ST7L: variants seen among roughly 807,000 people sequenced by gnomAD.
The protein encoded by ST7L is suppressor of tumorigenicity 7 protein-like.
Under a neutral mutation model 72.5 loss-of-function variants are expected in ST7L, and 57 were observed. The ratio of observed to expected loss-of-function variants is 0.79; its 90% CI spans 0.64 to 0.98. ST7L has a LOEUF of 0.98. Among genes scored for constraint, ST7L ranks in the 50% least tolerant of loss-of-function variants. ST7L has a pLI of 0.00. For synonymous variants in ST7L, 221 were observed against 240.9 expected, an observed-to-expected ratio of 0.92 and a Z score of 0.77; for missense variants, 576 against 672.2, an observed-to-expected ratio of 0.86 and a Z score of 1.58.
chr1:112,557,475 T>C (rs1001485024), intron 11 of ST7L, among the ~76,000 whole-genome samples: 3 of 152,254 alleles, frequency 2.0e-5, no homozygotes, highest in Non-Finnish European at 4.4e-5. Context: ...ATATATGTTC[T>C]GTTTATCCAT....
intron 11 of ST7L, among the ~76,000 whole-genome samples, chr1:112,566,652 T>C (rs11102497): frequency 0.5 from 75,688 of 151,902 alleles, 19,236 homozygotes; most frequent in East Asian, 0.64. Flanking sequence ...TAATGAATGT[T>C]TCACCTGACC....
chr1:112,607,267 T>TA (rs1668387427), intron 3 of ST7L: 1 of 152,080 alleles, frequency 6.6e-6, no homozygotes, highest in Non-Finnish European at 1.5e-5. Context: ...AAGAGATGTT[T>TA]AAGGGCCTAG....
downstream of ST7L, chr1:112,520,789 G>A (rs962395983): frequency 4.1e-6 from 2 of 482,610 alleles, no homozygotes; most frequent in Non-Finnish European, 7.4e-6. Flanking sequence ...AGTGAAATGA[G>A]TTGCACTAAA....
chr1:112,519,866 A>ATGC (rs1212154603), downstream of ST7L, among the ~76,000 whole-genome samples: 9 of 125,400 alleles, frequency 7.2e-5, no homozygotes, highest in Non-Finnish European at 1.4e-4. Flanking sequence ...GTCAGAGCCC[A>ATGC]TGCTTCTTTT....
intron 3 of ST7L, among the ~76,000 whole-genome samples, chr1:112,602,565 A>T (rs1177848012): frequency 6.6e-6 from 1 of 152,178 alleles, no homozygotes; most frequent in Admixed American, 6.6e-5. Context: ...ATTTCTTTTA[A>T]ACATTATAGC....
intron 1 of ST7L, among the ~76,000 whole-genome samples, chr1:112,617,607 G>C (rs1371087287): frequency 6.6e-6 from 1 of 151,982 alleles, no homozygotes; most frequent in African/African-American, 2.4e-5. Context: ...AGCTACTTGG[G>C]AGGCTGAGGC....
At chr1:112,594,543 CA>C (rs767202773) in intron 5 of ST7L, among the ~76,000 whole-genome samples, 7 of 152,194 alleles carry the variant, frequency 4.6e-5, no homozygotes, top group Non-Finnish European at 2.9e-5. Flanking sequence ...CCCCTCACAT[CA>C]AGGCAAAGCA....
In ST7L at chr1:112,560,307, T is replaced by C. The variant is rs569018653; in HGVS notation, c.1246-4289A>G. Among the ~76,000 whole-genome samples the C allele has an allele frequency of 3.3e-5, 5 of 151,444 alleles. No homozygotes were observed. In the South Asian group the frequency reaches 1.0e-3, roughly 32 times the overall value. Reference sequence around the variant, plus strand: ...TATTCGGGAGGCTGAGACAGGAGAATGGCGTGAGCCCGGGAGGCGGAGTTT... The same window carrying C: ...TATTCGGGAGGCTGAGACAGGAGAACGGCGTGAGCCCGGGAGGCGGAGTTT... On this transcript the variant is annotated intron_variant, in intron 11 of 14. Coordinates refer to ENST00000358039, the MANE Select transcript of ST7L (RefSeq NM_017744.5).
chr1:112,593,709 A>T (rs1388639593), intron 5 of ST7L, among the ~76,000 whole-genome samples: 1 of 152,222 alleles, frequency 6.6e-6, no homozygotes, highest in Non-Finnish European at 1.5e-5. Context: ...TGCTGAAGAA[A>T]AAAATCCAAA....
At chr1:112,578,459 G>C (rs747599253) in intron 9 of ST7L, 42 bp from the exon 10 acceptor site, 1 of 1,554,334 alleles carries the variant, frequency 6.4e-7, no homozygotes, top group African/African-American at 1.4e-5. Flanking sequence ...TTACAAAAAA[G>C]GTATTGAGAC....
At chr1:112,568,713 A>G (rs1326871356) in intron 11 of ST7L, among the ~76,000 whole-genome samples, 1 of 38,676 alleles carries the variant, frequency 2.6e-5, no homozygotes, top group Non-Finnish European at 5.4e-5. Flanking sequence ...AAACAACAAC[A>G]AAAAAACAAA....
chr1:112,598,015 G>A lies in ST7L; in HGVS notation c.578C>T (p.Thr193Ile). Residue 193 changes from threonine to isoleucine, a missense_variant, in exon 5 of 15, where the codon ACC becomes ATC. Physicochemically the swap from Thr to Ile is moderately conservative, Grantham distance 89. This residue lies in a region of ST7L where 511 missense variants were observed against 600.7 expected (regional missense o/e 0.85). Transcript: ENST00000358039. ...AAAATCTGTGTCACAGGTGAAAAAGGTCTGATGGTCCTGAGCTGACAGGTT... is the reference window on the plus strand; with the variant it reads ...AAAATCTGTGTCACAGGTGAAAAAGATCTGATGGTCCTGAGCTGACAGGTT... ...DMNLSAQDHQ[T>I]FFTCDTDFLR... is the part of the protein sequence containing the mutation. The A allele has an allele frequency of 1.9e-6, 3 of 1,613,764 alleles. No homozygotes were observed. The highest frequency in any genetic ancestry group is 2.5e-6 in the Non-Finnish European group (3 of 1,179,854).
chr1:112,609,350 G>A (rs1425240347), intron 3 of ST7L, among the ~76,000 whole-genome samples: 1 of 151,842 alleles, frequency 6.6e-6, no homozygotes, highest in African/African-American at 2.4e-5. Context: ...TGGCCAACAT[G>A]GTGAAACCCA....
intron 11 of ST7L, among the ~76,000 whole-genome samples, chr1:112,558,341 A>G (rs186016085): frequency 1.9e-4 from 29 of 152,354 alleles, no homozygotes; most frequent in African/African-American, 6.5e-4. Flanking sequence ...TTTGTGAAAC[A>G]CTTTGTAAAA....
At chr1:112,573,005 A>G (rs1662393202) in intron 11 of ST7L, among the ~76,000 whole-genome samples, 1 of 152,192 alleles carries the variant, frequency 6.6e-6, no homozygotes. Flanking sequence ...TAAGATTGGC[A>G]AATCCCTAAA....
intron 3 of ST7L, among the ~76,000 whole-genome samples, chr1:112,601,380 A>G (rs1667364152): frequency 6.6e-6 from 1 of 152,118 alleles, no homozygotes; most frequent in African/African-American, 2.4e-5. Flanking sequence ...CGAGTAGCTG[A>G]GACGACAGGC....
intron 14 of ST7L, among the ~76,000 whole-genome samples, chr1:112,536,951 C>G (rs970266467): frequency 2.6e-5 from 4 of 151,952 alleles, no homozygotes; most frequent in Non-Finnish European, 5.9e-5. Flanking sequence ...ACACCCTTTT[C>G]TGCCAAAATT....
chr1:112,604,627 T>C (rs954015006), intron 3 of ST7L, among the ~76,000 whole-genome samples: 1 of 151,814 alleles, frequency 6.6e-6, no homozygotes, highest in African/African-American at 2.4e-5. Flanking sequence ...GCAAATTCCA[T>C]TACATCTTAA....
chr1:112,610,593 C>T (rs1023543594), intron 3 of ST7L: 8 of 399,456 alleles, frequency 2.0e-5, no homozygotes, highest in Admixed American at 1.7e-4. Context: ...TGTCCTCCCA[C>T]GGTAGAAGTG....
Sources: gnomAD v4.1 joint callset for allele counts (sites outside exome capture counted in the v4.1 genomes callset) on GRCh38, gnomAD v4.1.1 for gene constraint, gnomAD v4.1.1 regional missense constraint, MANE v1.5 for transcripts, NCBI Gene and HGNC (gene_info 2026-07-23, HGNC 2026-07-21) for gene names.